Variants in CLASP1 observed in about 807,000 individuals in gnomAD.
CLASP1 encodes cytoplasmic linker associated protein 1, also known as CLIP-associating protein 1.
CLASP1 carries 38 observed loss-of-function variants against 192.3 expected under a neutral mutation model. That is an observed-to-expected ratio of 0.20 (90% CI 0.15 to 0.26). The LOEUF is 0.26. Ranked by LOEUF, CLASP1 falls within the 10% of genes least tolerant of loss-of-function variation. The pLI is 1.00. For synonymous variants in CLASP1, 691 were observed against 712.8 expected, an observed-to-expected ratio of 0.97 and a Z score of 0.49; for missense variants, 1,433 against 1,932.5, an observed-to-expected ratio of 0.74 and a Z score of 4.85.
chr2:121,385,900 T>G (rs1047758558), intron 32 of CLASP1, among the ~76,000 whole-genome samples: 4 of 152,218 alleles, frequency 2.6e-5, no homozygotes, highest in African/African-American at 9.6e-5. Flanking sequence ...TATTTAATTG[T>G]AACAGCCTGT....
chr2:121,414,315 T>A (rs2078199513), intron 23 of CLASP1, among the ~76,000 whole-genome samples, 112 bp from the exon 24 acceptor site: 1 of 152,214 alleles, frequency 6.6e-6, no homozygotes, highest in African/African-American at 2.4e-5. Context: ...GGCCATGTTT[T>A]CTCACGAGAA....
chr2:121,393,833 A>G (rs1381560057), intron 30 of CLASP1, among the ~76,000 whole-genome samples: 3 of 152,074 alleles, frequency 2.0e-5, no homozygotes, highest in African/African-American at 7.3e-5. Flanking sequence ...ATGTTACTGA[A>G]AGCCAAATAG....
intron 33 of CLASP1, 60 bp downstream of exon 34, chr2:121,382,148 G>T (rs921594612): frequency 4.7e-5 from 64 of 1,360,432 alleles, no homozygotes; most frequent in Non-Finnish European, 6.1e-5. Context: ...GACCTGAGAC[G>T]ACCTTGGAAA....
At chr2:121,556,437 T>C (rs1474306202) in intron 2 of CLASP1, among the ~76,000 whole-genome samples, 3 of 152,176 alleles carry the variant, frequency 2.0e-5, no homozygotes, top group African/African-American at 7.2e-5. Context: ...GCTTATCTAG[T>C]GGTCCTGCCC....
intron 2 of CLASP1, among the ~76,000 whole-genome samples, chr2:121,600,485 T>C (rs866252654): frequency 2.0e-4 from 30 of 152,346 alleles, no homozygotes; most frequent in Admixed American, 9.2e-4. Context: ...TAGGAATTAC[T>C]TCACCAAGAG....
chr2:121,497,941 G>A (rs1301382090), intron 8 of CLASP1, among the ~76,000 whole-genome samples: 1 of 152,124 alleles, frequency 6.6e-6, no homozygotes, highest in African/African-American at 2.4e-5. Context: ...TAGCCAGGAT[G>A]GTCTCAATCT....
At chr2:121,368,410 A>G (rs1322513571) in intron 34 of CLASP1, among the ~76,000 whole-genome samples, 2 of 152,086 alleles carry the variant, frequency 1.3e-5, no homozygotes, top group African/African-American at 4.8e-5. Flanking sequence ...CAGAGTTGTT[A>G]TGCTGGGTCA....
At chr2:121,413,967 C>T (rs1559094597) in intron 23 of CLASP1, among the ~76,000 whole-genome samples, 174 bp downstream of exon 24, 1 of 152,106 alleles carries the variant, frequency 6.6e-6, no homozygotes, top group Non-Finnish European at 1.5e-5. Flanking sequence ...CATCTACAGC[C>T]TATTAACAGA....
intron 24 of CLASP1, chr2:121,408,986 G>A (rs1171754871): frequency 2.6e-6 from 4 of 1,526,370 alleles, no homozygotes; most frequent in Admixed American, 2.0e-5. Context: ...TGCAACAGGA[G>A]AAATAAAGTT....
At chr2:121,532,833 T>C (rs2094931289) in intron 2 of CLASP1, 1 of 152,198 alleles carries the variant, frequency 6.6e-6, no homozygotes, top group Admixed American at 6.5e-5. Flanking sequence ...ACCACATTAA[T>C]GTTAGATATA....
At chr2:121,491,428 C>T (rs1340175261) in intron 8 of CLASP1, among the ~76,000 whole-genome samples, 3 of 152,186 alleles carry the variant, frequency 2.0e-5, no homozygotes, top group African/African-American at 4.8e-5. Context: ...TCATGGGCCT[C>T]GCTTCAATCA....
chr2:121,409,322 A>G lies in CLASP1; in HGVS notation c.2424+1544T>C, dbSNP rs1401120246. Reference sequence around the variant, plus strand: ...TCCCATATCGGTGAGGCAAATCTCTAAGGTCACCATTAATTCTACTATCTA... The same window carrying G: ...TCCCATATCGGTGAGGCAAATCTCTGAGGTCACCATTAATTCTACTATCTA... On this transcript the variant is annotated intron_variant, in intron 24 of 39. Coordinates refer to ENST00000263710, the Ensembl canonical transcript of CLASP1. Among the ~76,000 whole-genome samples, 8 of 152,280 alleles carry G rather than the reference A, an allele frequency of 5.3e-5. 1 individual carries two copies. The highest frequency in any genetic ancestry group is 1.0e-4 in the Non-Finnish European group (7 of 68,018).
At chr2:121,553,037 G>A (rs1241156215) in intron 2 of CLASP1, among the ~76,000 whole-genome samples, 1 of 152,228 alleles carries the variant, frequency 6.6e-6, no homozygotes. Flanking sequence ...CACATCTTTT[G>A]TGGGAACATG....
chr2:121,367,500 C>A, intron 35 of CLASP1, 88 bp downstream of exon 36: 1 of 1,544,118 alleles, frequency 6.5e-7, no homozygotes, highest in Non-Finnish European at 8.9e-7. Flanking sequence ...CCATTTACAT[C>A]TGACCAGTGG....
chr2:121,545,274 C>T (rs898450431), intron 2 of CLASP1, among the ~76,000 whole-genome samples: 7 of 152,162 alleles, frequency 4.6e-5, no homozygotes, highest in Non-Finnish European at 8.8e-5. Context: ...TAGAAATCAA[C>T]AGGGGAATAC....
intron 2 of CLASP1, among the ~76,000 whole-genome samples, chr2:121,531,225 T>C (rs1399895732): frequency 1.3e-5 from 2 of 152,096 alleles, no homozygotes; most frequent in Non-Finnish European, 2.9e-5. Context: ...GTAACTTCCT[T>C]ATGCTGAGTC....
chr2:121,395,918 G>C (rs1186930549), intron 30 of CLASP1, among the ~76,000 whole-genome samples: 1 of 152,162 alleles, frequency 6.6e-6, no homozygotes, highest in Non-Finnish European at 1.5e-5. Flanking sequence ...GCAAGAACCA[G>C]ATCAAGACTA....
At chr2:121,610,302 A>G (rs1174011801) in intron 1 of CLASP1, among the ~76,000 whole-genome samples, 9 of 117,510 alleles carry the variant, frequency 7.7e-5, no homozygotes, top group South Asian at 2.9e-4. Context: ...AGGAGTTATG[A>G]GAGGAAGAGG....
intron 6 of CLASP1, among the ~76,000 whole-genome samples, chr2:121,520,501 G>A (rs901320268): frequency 6.6e-6 from 1 of 152,228 alleles, no homozygotes; most frequent in Non-Finnish European, 1.5e-5. Flanking sequence ...CAAGCCAGCA[G>A]CAGAGGTGCT....
Sources: allele counts gnomAD v4.1 joint callset (sites outside exome capture counted in the v4.1 genomes callset), GRCh38; gene constraint gnomAD v4.1.1; transcripts MANE v1.5; gene names NCBI Gene and HGNC (gene_info 2026-07-23, HGNC 2026-07-21).